ST6GALNAC5: variants seen among roughly 807,000 people sequenced by gnomAD.
ST6GALNAC5 encodes ST6 N-acetylgalactosaminide alpha-2,6-sialyltransferase 5.
Under a neutral mutation model 33.6 loss-of-function variants are expected in ST6GALNAC5, and 27 were observed. The observed-to-expected ratio is 0.80, with a 90% CI of 0.59 to 1.11. The LOEUF (loss-of-function observed/expected upper bound fraction) is 1.11. Ranked by LOEUF, ST6GALNAC5 falls within the 50% of genes least tolerant of loss-of-function variation. ST6GALNAC5 has a pLI of 0.00. For synonymous variants in ST6GALNAC5, 194 were observed against 171.2 expected (o/e 1.13, Z -1.04); for missense variants, 428 against 454.0 (o/e 0.94, Z 0.52).
intron 2 of ST6GALNAC5, among the ~76,000 whole-genome samples, chr1:76,963,411 G>T (rs1325806971): frequency 6.6e-6 from 1 of 152,182 alleles, no homozygotes; most frequent in African/African-American, 2.4e-5. Flanking sequence ...AATTGTGCAT[G>T]ACCAAAGACT....
intron 2 of ST6GALNAC5, among the ~76,000 whole-genome samples, chr1:77,043,067 T>C (rs1557771956): frequency 6.6e-6 from 1 of 152,180 alleles, no homozygotes; most frequent in Non-Finnish European, 1.5e-5. Context: ...ATATATGCAC[T>C]ACTAAGTTGG....
intron 2 of ST6GALNAC5, among the ~76,000 whole-genome samples, chr1:77,005,363 A>G (rs931793485): frequency 2.6e-5 from 4 of 152,112 alleles, no homozygotes; most frequent in Non-Finnish European, 5.9e-5. Context: ...CACGGTGCGC[A>G]CACCCACTGA....
Position 77,063,765 on chromosome 1 carries a change from AT to A in ST6GALNAC5, c.*564del, listed in dbSNP as rs1246773361. ...GTTTTTTAGTGCAATCTGGGCCAGT[AT>A]TTTTATAGATTATGATTATGTGGTA... On this transcript the variant is annotated 3_prime_UTR_variant, in exon 5 of 5. Coordinates refer to ENST00000477717, the MANE Select transcript of ST6GALNAC5 (RefSeq NM_030965.3). 6.5e-6 allele frequency: 1 copy of A among 154,790 alleles called. No homozygotes were observed. The highest frequency in any genetic ancestry group is 1.4e-5 in the Non-Finnish European group (1 of 69,428). 9.6% of individuals were successfully genotyped at this position (154,790 alleles called of 1,614,324 possible).
intron 2 of ST6GALNAC5, among the ~76,000 whole-genome samples, chr1:76,892,861 G>A (rs559864605): frequency 1.3e-5 from 2 of 152,272 alleles, no homozygotes; most frequent in East Asian, 3.9e-4. Flanking sequence ...GTGCAAAGAA[G>A]GGGAGGAGGA....
intron 2 of ST6GALNAC5, among the ~76,000 whole-genome samples, chr1:76,990,884 C>G (rs1649696524): frequency 6.6e-6 from 1 of 152,012 alleles, no homozygotes. Context: ...TGGCAGAGAG[C>G]CTTTACCATT....
At chr1:76,997,343 A>C (rs1275059544) in intron 2 of ST6GALNAC5, among the ~76,000 whole-genome samples, 2 of 152,146 alleles carry the variant, frequency 1.3e-5, no homozygotes, top group African/African-American at 4.8e-5. Flanking sequence ...GGATGAAGGA[A>C]CTCAATAAGG....
intron 2 of ST6GALNAC5, among the ~76,000 whole-genome samples, chr1:76,952,603 ACC>A (rs1383935140): frequency 1.3e-5 from 2 of 152,104 alleles, no homozygotes; most frequent in Non-Finnish European, 2.9e-5. Flanking sequence ...TATGCCAATT[ACC>A]CTGATCTGAT....
intron 2 of ST6GALNAC5, among the ~76,000 whole-genome samples, chr1:76,954,445 C>T (rs1488531375): frequency 6.6e-6 from 1 of 151,970 alleles, no homozygotes; most frequent in Admixed American, 6.6e-5. Context: ...TGCCAAGGTG[C>T]TGAAATGATC....
chr1:76,927,699 T>C (rs989746814), intron 2 of ST6GALNAC5, among the ~76,000 whole-genome samples: 1 of 152,140 alleles, frequency 6.6e-6, no homozygotes, highest in Non-Finnish European at 1.5e-5. Context: ...TAATGGGACA[T>C]GAGGTCTTTT....
intron 2 of ST6GALNAC5, among the ~76,000 whole-genome samples, chr1:76,870,840 GT>G (rs1473718935): frequency 6.6e-6 from 1 of 152,146 alleles, no homozygotes; most frequent in Non-Finnish European, 1.5e-5. Context: ...ATACCCAAAG[GT>G]TTTGAGGGAG....
At chr1:76,964,474 G>A (rs745434472) in intron 2 of ST6GALNAC5, among the ~76,000 whole-genome samples, 3 of 152,002 alleles carry the variant, frequency 2.0e-5, no homozygotes, top group East Asian at 1.9e-4. Context: ...CATGGGCCCC[G>A]AAGTTCCCCC....
rs770299621 is a variant in ST6GALNAC5, at chr1:76,971,404, C to T, written c.262-72800C>T. Among the ~76,000 whole-genome samples the T allele has an allele frequency of 7.2e-5, 11 of 151,956 alleles. 1 individual carries two copies. The highest frequency in any genetic ancestry group is 4.1e-4 in the South Asian group (2 of 4,820). On this transcript the variant is annotated intron_variant, in intron 2 of 4. Coordinates refer to ENST00000477717, the MANE Select transcript of ST6GALNAC5 (RefSeq NM_030965.3). ...ACACTTGCGTGGGATATTGATTTCA[C>T]GGAGGATGGTGAGTGAGAAACCACT...
chr1:77,006,916 G>T (rs1228222873), intron 2 of ST6GALNAC5, among the ~76,000 whole-genome samples: 2 of 152,176 alleles, frequency 1.3e-5, no homozygotes, highest in Non-Finnish European at 2.9e-5. Context: ...CTTGGCTATA[G>T]GCTGAAGCAA....
chr1:76,984,392 C>T (rs2100386116), intron 2 of ST6GALNAC5, among the ~76,000 whole-genome samples: 1 of 152,168 alleles, frequency 6.6e-6, no homozygotes, highest in South Asian at 2.1e-4. Flanking sequence ...AACACCTCTA[C>T]AAAAATAAAC....
At chr1:77,032,042 G>A (rs1004143760) in intron 2 of ST6GALNAC5, among the ~76,000 whole-genome samples, 2 of 152,128 alleles carry the variant, frequency 1.3e-5, no homozygotes, top group African/African-American at 4.8e-5. Flanking sequence ...AAGGCAGAGA[G>A]GGTAAGCTTA....
At chr1:76,935,896 C>T (rs1160037409) in intron 2 of ST6GALNAC5, among the ~76,000 whole-genome samples, 4 of 151,964 alleles carry the variant, frequency 2.6e-5, no homozygotes, top group African/African-American at 4.8e-5. Flanking sequence ...CATGAGCTTA[C>T]ACTGATTAGG....
intron 4 of ST6GALNAC5, 75 bp downstream of exon 4, chr1:77,050,440 A>G (rs907398942): frequency 3.6e-6 from 5 of 1,376,336 alleles, no homozygotes; most frequent in East Asian, 4.6e-5. Flanking sequence ...CTGAATATCA[A>G]CCATGAAACA....
chr1:76,936,560 C>T (rs1169169362), intron 2 of ST6GALNAC5, among the ~76,000 whole-genome samples: 2 of 151,988 alleles, frequency 1.3e-5, no homozygotes, highest in Non-Finnish European at 2.9e-5. Context: ...CACAGAAGGA[C>T]ATTCTTTCTT....
intron 2 of ST6GALNAC5, among the ~76,000 whole-genome samples, chr1:76,970,750 A>G (rs767540463): frequency 9.9e-5 from 15 of 152,190 alleles, no homozygotes; most frequent in Non-Finnish European, 1.5e-4. Context: ...CAAGACACAT[A>G]CAGTAACTAT....
Sources: allele counts gnomAD v4.1 joint callset (sites outside exome capture counted in the v4.1 genomes callset), GRCh38; gene constraint gnomAD v4.1.1; transcripts MANE v1.5; gene names NCBI Gene and HGNC (gene_info 2026-07-23, HGNC 2026-07-21).